Variants in SPOCK1 observed in about 807,000 individuals in gnomAD.
The protein encoded by SPOCK1 is SPARC (osteonectin), cwcv and kazal like domains proteoglycan 1.
Under a neutral mutation model 55.3 loss-of-function variants are expected in SPOCK1, and 23 were observed. The ratio of observed to expected loss-of-function variants is 0.42; its 90% CI spans 0.30 to 0.59. SPOCK1 has a LOEUF of 0.59. Ranked by LOEUF, SPOCK1 falls within the 20% of genes least tolerant of loss-of-function variation. The pLI is 0.22. For synonymous variants in SPOCK1, 226 were observed against 221.0 expected, an observed-to-expected ratio of 1.02 and a Z score of -0.20; for missense variants, 499 against 552.5, an observed-to-expected ratio of 0.90 and a Z score of 0.97.
chr5:137,296,164 G>C (rs528577313), intron 2 of SPOCK1, among the ~76,000 whole-genome samples: 1 of 152,326 alleles, frequency 6.6e-6, no homozygotes, highest in African/African-American at 2.4e-5. Context: ...ATCTGCCAGT[G>C]CCTGGATCTT....
intron 5 of SPOCK1, among the ~76,000 whole-genome samples, chr5:137,068,176 T>A (rs964584759): frequency 1.1e-4 from 16 of 152,168 alleles, no homozygotes; most frequent in African/African-American, 3.9e-4. Context: ...CTTTGAGGCA[T>A]CTTCTCCACA....
Position 137,291,775 on chromosome 5 carries a change from A to G in SPOCK1, c.187-24720T>C, listed in dbSNP as rs536145361. On this transcript the variant is annotated intron_variant, in intron 2 of 10. Coordinates refer to ENST00000394945, the MANE Select transcript of SPOCK1 (RefSeq NM_004598.4). ...GCTTCCCCCTTCTTCCAAGCAAACC[A>G]TTTACGTAAGGTCCAGGCATGGCTG... 2.5e-4 allele frequency among the ~76,000 whole-genome samples: 38 copies of G among 152,276 alleles called. No homozygotes were observed. In the South Asian group the frequency reaches 7.3e-3, roughly 29 times the overall value.
At position 137,324,564 on chromosome 5, in the gene SPOCK1, A is replaced by C. The variant is rs190444469; in HGVS notation, c.187-57509T>G. On this transcript the variant is annotated intron_variant, in intron 2 of 10. Transcript: ENST00000394945. ...TCATTCTACTTACATGGGATATCTA[A>C]AGTAGTTAAACTTTAAAAACAAAAA... Among the ~76,000 whole-genome samples the C allele has an allele frequency of 3.4e-4, 52 of 152,338 alleles. 1 individual carries two copies. The East Asian group carries it at 7.7e-3, about 23-fold the overall frequency.
At chr5:137,179,598 A>T (rs926559782) in intron 3 of SPOCK1, among the ~76,000 whole-genome samples, 2 of 152,128 alleles carry the variant, frequency 1.3e-5, no homozygotes. Context: ...TCCCCCCGGT[A>T]GCAGCCTCAA....
intron 6 of SPOCK1, among the ~76,000 whole-genome samples, chr5:137,040,937 G>C (rs1447842775): frequency 2.6e-5 from 4 of 152,064 alleles, no homozygotes; most frequent in Non-Finnish European, 5.9e-5. Context: ...CTGTGTACTT[G>C]GCCAGCACTA....
At chr5:137,275,042 C>A (rs1412260421) in intron 2 of SPOCK1, among the ~76,000 whole-genome samples, 1 of 152,174 alleles carries the variant, frequency 6.6e-6, no homozygotes, top group Non-Finnish European at 1.5e-5. Context: ...GGGACCTGAA[C>A]CTGCTCTGAA....
At chr5:137,165,125 G>A (rs1754622860) in intron 3 of SPOCK1, among the ~76,000 whole-genome samples, 1 of 152,242 alleles carries the variant, frequency 6.6e-6, no homozygotes, top group Non-Finnish European at 1.5e-5. Flanking sequence ...AACCAGTACT[G>A]TGCTGGCTTC....
chr5:137,229,858 T>C (rs898849234), intron 3 of SPOCK1, among the ~76,000 whole-genome samples: 1 of 152,114 alleles, frequency 6.6e-6, no homozygotes, highest in African/African-American at 2.4e-5. Context: ...GGGTTCGTAC[T>C]CCTATGAGAA....
chr5:137,480,343 A>ACT (rs1554083053), intron 2 of SPOCK1, among the ~76,000 whole-genome samples: 164 of 146,754 alleles, frequency 1.1e-3, no homozygotes, highest in African/African-American at 3.6e-3. Flanking sequence ...ACACACACAC[A>ACT]CTCATTCACT....
chr5:137,377,942 C>CTTT (rs3043282), intron 2 of SPOCK1, among the ~76,000 whole-genome samples: 3,177 of 104,422 alleles, frequency 0.03, 118 homozygotes, highest in Non-Finnish European at 0.039. Flanking sequence ...TCACTTCTTC[C>CTTT]TTTTTTTTTT....
At chr5:137,139,278 C>T (rs967216331) in intron 4 of SPOCK1, among the ~76,000 whole-genome samples, 2 of 152,152 alleles carry the variant, frequency 1.3e-5, no homozygotes, top group African/African-American at 4.8e-5. Context: ...GTTGCAGGTG[C>T]CAGGCTTAGA....
At chr5:137,068,818 C>T (rs903897076) in intron 5 of SPOCK1, among the ~76,000 whole-genome samples, 9 of 152,264 alleles carry the variant, frequency 5.9e-5, no homozygotes, top group African/African-American at 2.2e-4. Flanking sequence ...TGCTATTGGC[C>T]TGGATCTGTG....
intron 2 of SPOCK1, among the ~76,000 whole-genome samples, chr5:137,270,574 T>C (rs1270370249): frequency 1.3e-5 from 2 of 152,230 alleles, no homozygotes; most frequent in Non-Finnish European, 2.9e-5. Flanking sequence ...ATTTCATAAA[T>C]GAATATTATT....
At chr5:137,022,947 T>A (rs1304264390) in intron 6 of SPOCK1, among the ~76,000 whole-genome samples, 1 of 152,200 alleles carries the variant, frequency 6.6e-6, no homozygotes, top group Non-Finnish European at 1.5e-5. Context: ...TCTCTGAGTT[T>A]GCTCTTTCTT....
intron 3 of SPOCK1, among the ~76,000 whole-genome samples, chr5:137,165,491 T>A (rs1754630057): frequency 6.6e-6 from 1 of 152,116 alleles, no homozygotes. Flanking sequence ...AATACCTAAT[T>A]CTTCAATGCC....
At chr5:137,087,737 C>T (rs942132972) in intron 5 of SPOCK1, among the ~76,000 whole-genome samples, 1 of 152,198 alleles carries the variant, frequency 6.6e-6, no homozygotes, top group Admixed American at 6.5e-5. Context: ...GCCCAGCCTC[C>T]GCTGGATCTT....
intron 3 of SPOCK1, among the ~76,000 whole-genome samples, chr5:137,215,030 A>T (rs1755690657): frequency 6.6e-6 from 1 of 152,232 alleles, no homozygotes. Flanking sequence ...TAAATGAAAG[A>T]TAAAGTCTTG....
intron 2 of SPOCK1, among the ~76,000 whole-genome samples, chr5:137,271,854 C>A (rs543660116): frequency 2.0e-5 from 3 of 152,214 alleles, no homozygotes; most frequent in Admixed American, 6.5e-5. Flanking sequence ...TGAAACCGAT[C>A]GTTTCTCCTT....
chr5:137,259,968 C>T (rs1436113944), intron 3 of SPOCK1, among the ~76,000 whole-genome samples: 1 of 152,154 alleles, frequency 6.6e-6, no homozygotes, highest in Non-Finnish European at 1.5e-5. Context: ...CAAACTGTAA[C>T]CTTTGAAATA....
Sources: gnomAD v4.1 joint callset for allele counts (sites outside exome capture counted in the v4.1 genomes callset) on GRCh38, gnomAD v4.1.1 for gene constraint, MANE v1.5 for transcripts, NCBI Gene and HGNC (gene_info 2026-07-23, HGNC 2026-07-21) for gene names.